The following GLYATL2 variants were observed in gnomAD, a reference collection of about 807,000 sequenced individuals.
The protein encoded by GLYATL2 is glycine N-acyltransferase-like protein 2.
In GLYATL2, 25 loss-of-function variants were observed where a neutral mutation model predicts 21.4. The ratio of observed to expected loss-of-function variants is 1.17; its 90% CI spans 0.85 to 1.63. The LOEUF (loss-of-function observed/expected upper bound fraction) is 1.63. Among genes scored for constraint, GLYATL2 ranks in the 40% most tolerant of loss-of-function variants. The pLI is 0.00. For synonymous variants in GLYATL2, 114 were observed against 118.2 expected (o/e 0.96, Z 0.23); for missense variants, 361 against 343.3 (o/e 1.05, Z -0.41).
At chr11:58,861,641 G>A (rs1853933739) in intron 1 of GLYATL2, among the ~76,000 whole-genome samples, 1 of 151,584 alleles carries the variant, frequency 6.6e-6, no homozygotes, top group Non-Finnish European at 1.5e-5. Context: ...GTTCCGTGAA[G>A]TGTAACATTT....
intron 1 of GLYATL2, among the ~76,000 whole-genome samples, chr11:58,841,861 T>G (rs1407748898): frequency 6.6e-6 from 1 of 152,194 alleles, no homozygotes; most frequent in Non-Finnish European, 1.5e-5. Context: ...CAGTGCATTT[T>G]GGAGTTAGGA....
At chr11:58,897,338 G>T (rs534292856) in intron 1 of GLYATL2, among the ~76,000 whole-genome samples, 1 of 152,194 alleles carries the variant, frequency 6.6e-6, no homozygotes, top group Non-Finnish European at 1.5e-5. Flanking sequence ...ATGCCACCAT[G>T]AGAAGGGTAA....
chr11:58,866,081 T>C lies in GLYATL2; in HGVS notation n.61-27713A>G, dbSNP rs1268257563. On this transcript the variant is annotated intron_variant and non_coding_transcript_variant, in intron 1 of 4. Coordinates refer to the GLYATL2 transcript ENST00000533636. The stretch of plus-strand genomic sequence containing the variant: ...GCTAAAACCATATACCACTTCCTGA[T>C]TTCTCTGGAGGCATTGAAACCTCAT... Among the ~76,000 whole-genome samples the C allele has an allele frequency of 2.7e-5, 4 of 148,754 alleles. 1 individual carries two copies. The highest frequency in any genetic ancestry group is 6.0e-5 in the Non-Finnish European group (4 of 67,056).
chr11:58,874,435 A>C (rs1276872608), intron 1 of GLYATL2, among the ~76,000 whole-genome samples: 2 of 152,178 alleles, frequency 1.3e-5, no homozygotes, highest in South Asian at 2.1e-4. Context: ...TAGTGCTATA[A>C]ATTTCCCTCT....
chr11:58,897,997 C>T (rs1035806629), intron 1 of GLYATL2, among the ~76,000 whole-genome samples: 6 of 152,140 alleles, frequency 3.9e-5, no homozygotes, highest in African/African-American at 1.4e-4. Flanking sequence ...AGGAAATTGC[C>T]TCCACTATGG....
At chr11:58,850,815 T>C in intron 1 of GLYATL2, among the ~76,000 whole-genome samples, 1 of 152,136 alleles carries the variant, frequency 6.6e-6, no homozygotes, top group South Asian at 2.1e-4. Context: ...CTGACATCAG[T>C]CAGGCCCACC....
chr11:58,872,977 G>T lies in GLYATL2; in HGVS notation n.60+31179C>A, dbSNP rs1216256531. On this transcript the variant is annotated intron_variant and non_coding_transcript_variant, in intron 1 of 4. Coordinates refer to the GLYATL2 transcript ENST00000533636. ...TTATTTCCTTGAGCAGTGGTTTGTA[G>T]TTCTCCTTGAAGAGGTCCTTCACAT... Among the ~76,000 whole-genome samples the T allele has an allele frequency of 1.4e-4, 21 of 152,242 alleles. 2 individuals carry two copies. The highest frequency in any genetic ancestry group is 4.6e-4 in the African/African-American group (19 of 41,548).
intron 1 of GLYATL2, among the ~76,000 whole-genome samples, chr11:58,897,995 G>T (rs1030977986): frequency 6.6e-6 from 1 of 152,102 alleles, no homozygotes. Context: ...AGAGGAAATT[G>T]CCTCCACTAT....
chr11:58,902,558 G>T (rs1258977826), intron 1 of GLYATL2, among the ~76,000 whole-genome samples: 2 of 152,010 alleles, frequency 1.3e-5, no homozygotes, highest in African/African-American at 2.4e-5. Context: ...ATCTTTTAGG[G>T]GTTCATGAAG....
In GLYATL2 at chr11:58,867,221, A is replaced by C. The variant is rs1173832175; in HGVS notation, n.61-28853T>G. On this transcript the variant is annotated intron_variant and non_coding_transcript_variant, in intron 1 of 4. Coordinates refer to the GLYATL2 transcript ENST00000533636. ...TAGGCCAACACATAGATAATATAAT[A>C]GATTTAAAATGTGTATATTTTATAA... Among the ~76,000 whole-genome samples the C allele has an allele frequency of 1.3e-5, 2 of 149,136 alleles. 1 individual carries two copies. The highest frequency in any genetic ancestry group is 4.4e-4 in the East Asian group (2 of 4,502).
chr11:58,873,372 A>C (rs887811966), intron 1 of GLYATL2, among the ~76,000 whole-genome samples: 1 of 152,148 alleles, frequency 6.6e-6, no homozygotes, highest in Non-Finnish European at 1.5e-5. Flanking sequence ...CCAGTTTTCA[A>C]AGGGAATGCT....
rs1320065530 is a variant in GLYATL2, at chr11:58,868,652, C to G, written n.61-30284G>C. Among the ~76,000 whole-genome samples the G allele has an allele frequency of 1.3e-5, 2 of 149,130 alleles. 1 individual carries two copies. The highest frequency in any genetic ancestry group is 3.0e-5 in the Non-Finnish European group (2 of 67,180). On this transcript the variant is annotated intron_variant and non_coding_transcript_variant, in intron 1 of 4. Coordinates refer to the GLYATL2 transcript ENST00000533636. Reference sequence around the variant, plus strand: ...GATTTTGGTTCTCTGACCAGGAACACTTTGGCTTGGCGGCCATGGCCCAGG... The same window carrying G: ...GATTTTGGTTCTCTGACCAGGAACAGTTTGGCTTGGCGGCCATGGCCCAGG...
At chr11:58,844,376 G>T (rs1314185215) in intron 1 of GLYATL2, 58 bp downstream of exon 1, 4 of 152,136 alleles carry the variant, frequency 2.6e-5, no homozygotes. Context: ...TTTAGAACAA[G>T]AATCCAAATT....
At chr11:58,899,072 T>C (rs898051162) in intron 1 of GLYATL2, among the ~76,000 whole-genome samples, 19 of 152,116 alleles carry the variant, frequency 1.2e-4, no homozygotes, top group Non-Finnish European at 2.1e-4. Context: ...ATAAGGAAAC[T>C]GAGGTGCAAA....
chr11:58,851,587 A>C (rs1460675832), intron 1 of GLYATL2, among the ~76,000 whole-genome samples: 1 of 152,192 alleles, frequency 6.6e-6, no homozygotes, highest in Non-Finnish European at 1.5e-5. Flanking sequence ...AAAAAGATAG[A>C]CAATTGAGTT....
chr11:58,876,617 C>T (rs1294926157), intron 1 of GLYATL2, among the ~76,000 whole-genome samples: 1 of 152,134 alleles, frequency 6.6e-6, no homozygotes, highest in Non-Finnish European at 1.5e-5. Context: ...ATTAGTGAAC[C>T]ACAAATGCTG....
upstream of GLYATL2, among the ~76,000 whole-genome samples, chr11:58,849,657 G>A (rs561049484): frequency 2.5e-4 from 38 of 152,294 alleles, 1 homozygote; most frequent in South Asian, 7.5e-3. Context: ...TCTGAAAAAT[G>A]CAGGAGAAGG....
chr11:58,853,773 G>A (rs1446688408), intron 1 of GLYATL2, among the ~76,000 whole-genome samples: 2 of 152,094 alleles, frequency 1.3e-5, no homozygotes, highest in Non-Finnish European at 2.9e-5. Flanking sequence ...TGGCACAATA[G>A]AGCTAATTAA....
chr11:58,889,024 T>TG (rs1488749100), intron 1 of GLYATL2, among the ~76,000 whole-genome samples: 15 of 151,638 alleles, frequency 9.9e-5, no homozygotes, highest in Admixed American at 9.9e-4. Context: ...ATATGCTCTT[T>TG]TTTTTCACTT....
Sources: gnomAD v4.1 joint callset for allele counts (sites outside exome capture counted in the v4.1 genomes callset) on GRCh38, gnomAD v4.1.1 for gene constraint, MANE v1.5 for transcripts, NCBI Gene and HGNC (gene_info 2026-07-23, HGNC 2026-07-21) for gene names.